Variants in FRMPD4 observed in about 807,000 individuals in gnomAD.
FRMPD4 encodes the protein FERM and PDZ domain containing 4.
Under a neutral mutation model 94.1 loss-of-function variants are expected in FRMPD4, and 22 were observed. The observed-to-expected ratio is 0.23, with a 90% CI of 0.17 to 0.33. The LOEUF (loss-of-function observed/expected upper bound fraction) is 0.33, where lower values mean the gene tolerates loss of function less well. Among genes scored for constraint, FRMPD4 ranks in the 10% least tolerant of loss-of-function variants. FRMPD4 has a pLI of 1.00. For missense variants in FRMPD4, 1,111 were observed against 1,339.9 expected (o/e 0.83, Z 2.67); for synonymous variants, 631 against 548.6 (o/e 1.15, Z -2.10).
intron 3 of FRMPD4, among the ~76,000 whole-genome samples, chrX:12,121,017 T>C (rs2055448913): frequency 9.2e-6 from 1 of 108,924 alleles, no homozygotes; most frequent in South Asian, 3.7e-4. Context: ...ATAATAATAA[T>C]ACTAAGACTT....
At chrX:12,126,826 C>T (rs778852233) in intron 3 of FRMPD4, among the ~76,000 whole-genome samples, 69 of 111,804 alleles carry the variant, frequency 6.2e-4, no homozygotes, top group African/African-American at 2.1e-3. Context: ...TTTGCATCAT[C>T]GACACACATT....
chrX:12,295,308 C>T (rs149960800), intron 1 of FRMPD4, among the ~76,000 whole-genome samples: 1,692 of 111,762 alleles, frequency 0.015, 41 homozygotes, highest in African/African-American at 0.052. Flanking sequence ...TGTTGAATTG[C>T]ATCAGGTTTT....
chrX:12,563,328 T>C (rs1330425036), intron 2 of FRMPD4, among the ~76,000 whole-genome samples: 1 of 111,168 alleles, frequency 9.0e-6, no homozygotes, highest in Non-Finnish European at 1.9e-5. Context: ...CCCAAAGCCC[T>C]GGTTCCTCCC....
chrX:12,711,122 T>C (rs1176460199), intron 14 of FRMPD4, among the ~76,000 whole-genome samples: 1 of 111,239 alleles, frequency 9.0e-6, no homozygotes, highest in African/African-American at 3.3e-5. Context: ...TGAAAGTCTC[T>C]ATGGCTGGGT....
chrX:12,548,174 A>T (rs1019428166), intron 2 of FRMPD4, among the ~76,000 whole-genome samples: 1 of 112,224 alleles, frequency 8.9e-6, no homozygotes, highest in African/African-American at 3.2e-5. Context: ...CTTCTATGTT[A>T]TTACTGAAGT....
At chrX:12,078,753 C>A (rs917880386) in intron 3 of FRMPD4, among the ~76,000 whole-genome samples, 76 of 111,412 alleles carry the variant, frequency 6.8e-4, no homozygotes, top group Non-Finnish European at 2.1e-4. Context: ...CACTACCCTG[C>A]GCATTGTAGG....
intron 2 of FRMPD4, among the ~76,000 whole-genome samples, chrX:11,868,764 G>A (rs1463737453): frequency 8.9e-6 from 1 of 112,355 alleles, no homozygotes; most frequent in Non-Finnish European, 1.9e-5. Context: ...GTTTGCATCA[G>A]GGTTTGGTAA....
chrX:12,365,800 G>A (rs1411787344), intron 1 of FRMPD4, among the ~76,000 whole-genome samples: 1 of 112,060 alleles, frequency 8.9e-6, no homozygotes, highest in Non-Finnish European at 1.9e-5. Flanking sequence ...TCTGTGTCTT[G>A]TCTCAAGTTT....
At chrX:11,869,033 G>T (rs1601813950) in intron 2 of FRMPD4, among the ~76,000 whole-genome samples, 1 of 111,723 alleles carries the variant, frequency 9.0e-6, no homozygotes, top group South Asian at 3.7e-4. Context: ...TCTAAAATGA[G>T]TTGGACTTAA....
At chrX:11,889,073 A>G (rs1398893678) in intron 3 of FRMPD4, among the ~76,000 whole-genome samples, 4 of 112,741 alleles carry the variant, frequency 3.5e-5, no homozygotes, top group African/African-American at 6.4e-5. Flanking sequence ...GAATTTTATT[A>G]TTGATGCTAA....
chrX:11,924,885 T>C (rs2054077436), intron 3 of FRMPD4, among the ~76,000 whole-genome samples: 3 of 111,595 alleles, frequency 2.7e-5, no homozygotes, highest in Admixed American at 9.5e-5. Flanking sequence ...GATGACAGGA[T>C]GGAATCCACA....
Position 11,991,587 on chromosome X carries a change from A to G in FRMPD4, c.95+113569A>G, listed in dbSNP as rs965870234. Among the ~76,000 whole-genome samples, 3 of 111,854 alleles carry G rather than the reference A, an allele frequency of 2.7e-5. 1 individual carries two copies. The Admixed American group carries it at 2.8e-4, about 11-fold the overall frequency. On this transcript the variant is annotated intron_variant, in intron 3 of 18. Coordinates refer to the FRMPD4 transcript ENST00000640291. ...TTAGATGCTAATTGTAATTGAATAG[A>G]CTTTTCAAGTCAAGCTTAAGGATAT...
At chrX:12,208,066 G>A (rs1896554832) in intron 1 of FRMPD4, among the ~76,000 whole-genome samples, 1 of 111,375 alleles carries the variant, frequency 9.0e-6, no homozygotes, top group African/African-American at 3.3e-5. Context: ...AACTAAAATA[G>A]ACCCATTGTA....
intron 1 of FRMPD4, among the ~76,000 whole-genome samples, chrX:12,235,406 C>A (rs1275980707): frequency 8.9e-6 from 1 of 112,148 alleles, no homozygotes; most frequent in Non-Finnish European, 1.9e-5. Flanking sequence ...GTCTTCCAAG[C>A]TGCATAAGGG....
intron 2 of FRMPD4, among the ~76,000 whole-genome samples, chrX:12,553,169 TAAGAAAGAAAGA>T (rs34630273): frequency 1.0e-5 from 1 of 99,800 alleles, no homozygotes; most frequent in South Asian, 4.9e-4. Context: ...GTAAGTAAAG[TAAGAAAGAAAGA>T]AAGAAAGAAA....
At chrX:11,967,602 CTTG>C (rs1412803793) in intron 3 of FRMPD4, among the ~76,000 whole-genome samples, 2 of 111,391 alleles carry the variant, frequency 1.8e-5, no homozygotes, top group African/African-American at 6.5e-5. Flanking sequence ...AGCACCTGCT[CTTG>C]TTGTCCCTCA....
chrX:12,423,521 G>A (rs1466991015), intron 1 of FRMPD4, among the ~76,000 whole-genome samples: 1 of 111,682 alleles, frequency 9.0e-6, no homozygotes, highest in Non-Finnish European at 1.9e-5. Context: ...CCACCTTTTT[G>A]ATATATTTCC....
At chrX:11,945,314 CTA>C (rs2054182958) in intron 3 of FRMPD4, among the ~76,000 whole-genome samples, 2 of 111,978 alleles carry the variant, frequency 1.8e-5, no homozygotes, top group African/African-American at 6.5e-5. Context: ...AAATATAAGA[CTA>C]TGAGAGTTAT....
chrX:12,033,206 G>T (rs1385326198), intron 3 of FRMPD4, among the ~76,000 whole-genome samples: 1 of 111,514 alleles, frequency 9.0e-6, no homozygotes, highest in African/African-American at 3.3e-5. Flanking sequence ...GTGTATTATG[G>T]AAATAAATGT....
Sources: gnomAD v4.1 joint callset for allele counts (sites outside exome capture counted in the v4.1 genomes callset) on GRCh38, gnomAD v4.1.1 for gene constraint, MANE v1.5 for transcripts, NCBI Gene and HGNC (gene_info 2026-07-23, HGNC 2026-07-21) for gene names.